TLL1: variants seen among roughly 807,000 people sequenced by gnomAD.
TLL1 encodes tolloid-like protein 1.
Under a neutral mutation model 128.2 loss-of-function variants are expected in TLL1, and 49 were observed. That is an observed-to-expected ratio of 0.38 (90% CI 0.30 to 0.48). TLL1 has a LOEUF of 0.48. TLL1 is among the 20% of genes least tolerant of loss of function. The pLI is 0.96. For missense variants in TLL1, 1,123 were observed against 1,242.0 expected (o/e 0.90, Z 1.44); for synonymous variants, 454 against 418.8 (o/e 1.08, Z -1.03).
chr4:165,946,659 A>T (rs1479857396), intron 1 of TLL1, among the ~76,000 whole-genome samples: 2 of 152,066 alleles, frequency 1.3e-5, no homozygotes, highest in African/African-American at 2.4e-5. Flanking sequence ...ATTCTTTATT[A>T]AGGCAGTAAT....
At position 166,081,771 on chromosome 4, in the gene TLL1, C is replaced by T. The variant is rs559274743; in HGVS notation, c.2442+3741C>T. Among the ~76,000 whole-genome samples, 309 of 151,518 alleles carry T rather than the reference C, an allele frequency of 2.0e-3. 2 individuals carry two copies. The highest frequency in any genetic ancestry group is 3.1e-3 in the Non-Finnish European group (211 of 67,880). ...TTTTTTTTTACACTCTACATCATGG[C>T]TTTTTCTTGTTGTCAGGGTAGAAGC... On this transcript the variant is annotated intron_variant, in intron 18 of 20. Coordinates refer to ENST00000061240, the MANE Select transcript of TLL1 (RefSeq NM_012464.5).
At chr4:165,991,665 AT>A (rs33919577) in intron 2 of TLL1, among the ~76,000 whole-genome samples, 9,789 of 150,762 alleles carry the variant, frequency 0.065, 1,041 homozygotes, top group African/African-American at 0.22. Context: ...AGATTTTATC[AT>A]TTTTTTTTAG....
At chr4:166,093,589 C>T (rs1047479339) in intron 19 of TLL1, among the ~76,000 whole-genome samples, 1 of 152,166 alleles carries the variant, frequency 6.6e-6, no homozygotes, top group South Asian at 2.1e-4. Context: ...TTTCCTCTAT[C>T]TGAACTGCAA....
At position 166,007,972 on chromosome 4, in the gene TLL1, C is replaced by A; in HGVS notation, c.841C>A (p.Pro281Thr). The A allele has an allele frequency of 3.1e-6, 5 of 1,609,452 alleles. No individual in the cohort carries two copies. Among genetic ancestry groups the A allele is most frequent in the East Asian group, 4.5e-5 (2 of 44,726 alleles). ...GQEYNFLKME[P>T]GEVNSLGERY... The stretch of plus-strand genomic sequence containing the variant: ...AGAGTACAATTTTCTGAAGATGGAG[C>A]CTGGAGAAGTAAACTCACTTGGAGA... Residue 281 changes from proline to threonine, a missense_variant, in exon 7 of 21, where the codon CCT becomes ACT. By Grantham distance (38) the Pro-to-Thr change is conservative (BLOSUM62 -1). This residue lies in a region of TLL1 where 480 missense variants were observed against 542.4 expected (regional missense o/e 0.89). Coordinates refer to ENST00000061240, the MANE Select transcript of TLL1 (RefSeq NM_012464.5).
intron 8 of TLL1, among the ~76,000 whole-genome samples, chr4:166,018,945 C>T (rs1161445760): frequency 6.6e-6 from 1 of 152,206 alleles, no homozygotes; most frequent in Non-Finnish European, 1.5e-5. Flanking sequence ...CCAGCAATCC[C>T]ATTACTGTGT....
intron 1 of TLL1, among the ~76,000 whole-genome samples, chr4:165,890,657 G>T (rs761854511): frequency 2.6e-4 from 39 of 152,324 alleles, no homozygotes; most frequent in Middle Eastern, 3.4e-3. Context: ...GGGCTCCCAT[G>T]GCCTTGGGCA....
intron 16 of TLL1, among the ~76,000 whole-genome samples, chr4:166,067,239 AT>A (rs937779798): frequency 1.3e-5 from 2 of 151,790 alleles, no homozygotes; most frequent in African/African-American, 4.8e-5. Flanking sequence ...TTAGTCATAT[AT>A]TTAATTTTAA....
At chr4:166,072,870 G>A (rs1161073970) in intron 16 of TLL1, among the ~76,000 whole-genome samples, 5 of 150,978 alleles carry the variant, frequency 3.3e-5, no homozygotes, top group African/African-American at 1.2e-4. Context: ...TCGTCTCTGA[G>A]CAGTTCATCT....
intron 18 of TLL1, among the ~76,000 whole-genome samples, chr4:166,082,426 T>C (rs927640177): frequency 1.3e-5 from 2 of 152,168 alleles, no homozygotes; most frequent in African/African-American, 2.4e-5. Flanking sequence ...GTTTCCCCGA[T>C]TGACTTTCTG....
rs559732208 is a variant in TLL1, at chr4:166,043,027, C to T, written c.1379-247C>T. On this transcript the variant is annotated intron_variant, in intron 11 of 20. Coordinates refer to ENST00000061240, the MANE Select transcript of TLL1 (RefSeq NM_012464.5). Reference sequence around the variant, plus strand: ...AAGGTTTTTAAAGGTTAAAAAATACCTTTTCGTTAAGATAGGATTAAAAAT... The same window carrying T: ...AAGGTTTTTAAAGGTTAAAAAATACTTTTTCGTTAAGATAGGATTAAAAAT... 3.7e-4 allele frequency among the ~76,000 whole-genome samples: 57 copies of T among 152,146 alleles called. No individual in the cohort carries two copies. In the South Asian group the frequency reaches 0.011, roughly 29 times the overall value.
At chr4:166,048,634 G>A (rs1027716136) in intron 12 of TLL1, among the ~76,000 whole-genome samples, 3 of 152,102 alleles carry the variant, frequency 2.0e-5, no homozygotes, top group Admixed American at 6.6e-5. Flanking sequence ...AGAATTTTCA[G>A]TAAGAAGAAA....
Position 166,058,542 on chromosome 4 carries a change from A to G in TLL1, c.1846+1233A>G, listed in dbSNP as rs192960972. On this transcript the variant is annotated intron_variant, in intron 14 of 20. Coordinates refer to ENST00000061240, the MANE Select transcript of TLL1 (RefSeq NM_012464.5). ...GTAAAGCATTTTCTTACCATTATCT[A>G]TGATCTCTTCCTTCAGATTTTAAAG... is the stretch of plus-strand genomic sequence containing the variant. Among the ~76,000 whole-genome samples the G allele has an allele frequency of 5.3e-5, 8 of 152,188 alleles. No homozygotes were observed. In the Middle Eastern group the frequency reaches 0.01, roughly 194 times the overall value.
intron 15 of TLL1, among the ~76,000 whole-genome samples, chr4:166,064,626 A>G (rs1380125784): frequency 6.6e-6 from 1 of 152,124 alleles, no homozygotes; most frequent in Non-Finnish European, 1.5e-5. Context: ...AACTTGACTT[A>G]CAGAATAATG....
chr4:166,005,707 C>T (rs1737392978), intron 6 of TLL1, among the ~76,000 whole-genome samples: 1 of 151,710 alleles, frequency 6.6e-6, no homozygotes, highest in South Asian at 2.1e-4. Context: ...GAGAACTTTG[C>T]TGTTACCAAG....
intron 1 of TLL1, among the ~76,000 whole-genome samples, chr4:165,950,113 T>C (rs1442159885): frequency 2.0e-5 from 3 of 151,942 alleles, no homozygotes; most frequent in African/African-American, 7.3e-5. Context: ...AAACAAAAGC[T>C]AGAGTGTCAA....
chr4:165,918,285 A>G (rs1464642991), intron 1 of TLL1, among the ~76,000 whole-genome samples: 1 of 152,192 alleles, frequency 6.6e-6, no homozygotes, highest in Non-Finnish European at 1.5e-5. Context: ...AAGGTACAGC[A>G]TCATAGAATT....
intron 1 of TLL1, among the ~76,000 whole-genome samples, chr4:165,900,601 T>G (rs962163691): frequency 1.3e-5 from 2 of 152,208 alleles, no homozygotes; most frequent in African/African-American, 4.8e-5. Flanking sequence ...TGCAGAGAGA[T>G]CCTCTGTTAT....
At chr4:165,992,773 G>A in intron 2 of TLL1, 31 bp from the exon 3 acceptor site, 1 of 1,593,988 alleles carries the variant, frequency 6.3e-7, no homozygotes, top group Non-Finnish European at 8.6e-7. Context: ...AACATATTTT[G>A]AGTTTAACTT....
intron 1 of TLL1, among the ~76,000 whole-genome samples, chr4:165,891,146 G>C (rs1254530687): frequency 6.6e-6 from 1 of 152,140 alleles, no homozygotes; most frequent in Non-Finnish European, 1.5e-5. Context: ...GCACAGAGCA[G>C]GAAGACCCAG....
Sources: allele counts gnomAD v4.1 joint callset (sites outside exome capture counted in the v4.1 genomes callset), GRCh38; gene constraint gnomAD v4.1.1; regional missense constraint gnomAD v4.1.1; transcripts MANE v1.5; gene names NCBI Gene and HGNC (gene_info 2026-07-23, HGNC 2026-07-21).